COL11A1: variants seen among roughly 807,000 people sequenced by gnomAD.
COL11A1 encodes the protein collagen type XI alpha 1 chain.
COL11A1 carries 74 observed loss-of-function variants against 265.2 expected under a neutral mutation model. The observed-to-expected ratio is 0.28, with a 90% CI of 0.23 to 0.34. The LOEUF is 0.34. Among genes scored for constraint, COL11A1 ranks in the 10% least tolerant of loss-of-function variants. The pLI, the probability that COL11A1 is intolerant of heterozygous loss-of-function variation, is 1.00. For missense variants in COL11A1, 2,165 were observed against 2,263.6 expected (o/e 0.96, Z 0.88); for synonymous variants, 816 against 727.6 (o/e 1.12, Z -1.96).
intron 49 of COL11A1, among the ~76,000 whole-genome samples, chr1:102,916,790 A>T (rs1201399003): frequency 6.6e-6 from 1 of 151,922 alleles, no homozygotes; most frequent in Non-Finnish European, 1.5e-5. Flanking sequence ...CAAGATGAAC[A>T]GCAAATACTT....
At chr1:103,019,813 C>A (rs1041792296) in intron 9 of COL11A1, among the ~76,000 whole-genome samples, 48 of 147,622 alleles carry the variant, frequency 3.3e-4, no homozygotes, top group Non-Finnish European at 6.8e-4. Flanking sequence ...TGTTCAATTC[C>A]CACCTATGAG....
In COL11A1 at chr1:103,108,286, G is replaced by C; in HGVS notation, c.-108C>G. ...CAGGGATGTTTGCTACACAGCCATT[G>C]GGGAGGGAGAGGGGGAAAAAGTCAA... On this transcript the variant is annotated 5_prime_UTR_variant, in exon 1 of 67. Transcript: ENST00000370096. 1.2e-6 allele frequency: 1 copy of C among 834,336 alleles called. No homozygotes were observed. Among genetic ancestry groups the C allele is most frequent in the Non-Finnish European group, 2.0e-6 (1 of 489,960 alleles). The allele number at this position is 834,336 out of a possible 1,614,324, so 51.7% of individuals were successfully genotyped here. A position where few individuals can be genotyped will look rare whatever the true frequency, so the allele number is the denominator to read the frequency against.
chr1:102,978,973 A>C, intron 33 of COL11A1, 60 bp from the exon 34 acceptor site: 1 of 1,609,592 alleles, frequency 6.2e-7, no homozygotes. Context: ...AAGACACTAA[A>C]TCAATTTTTA....
chr1:103,004,511 G>A, intron 19 of COL11A1, 23 bp from the exon 20 acceptor site: 2 of 1,607,372 alleles, frequency 1.2e-6, no homozygotes, highest in Non-Finnish European at 1.7e-6. Flanking sequence ...AAATGAATGA[G>A]AGTATAGAAC....
At position 102,940,369 on chromosome 1, in the gene COL11A1, C is replaced by T. The variant is rs1395222826; in HGVS notation, c.3342G>A (p.Gly1114=). The part of the protein sequence containing the change: ...DGVQGPVGLP[G]PAGPAGSPGE... ...CAGGGGAGCCGGCAGGACCAGCTGG[C>T]CCTGGGAGACCAACAGGACCTTGAA... The change falls in exon 43 of 67, where the codon GGG becomes GGA. Residue 1114 remains glycine, a synonymous_variant. Coordinates refer to ENST00000370096, the MANE Select transcript of COL11A1 (RefSeq NM_001854.4). 2 of 1,613,876 alleles carry T rather than the reference C, an allele frequency of 1.2e-6. No individual in the cohort carries two copies. Among genetic ancestry groups the T allele is most frequent in the Non-Finnish European group, 8.5e-7 (1 of 1,179,956 alleles).
chr1:103,013,347 T>C (rs1234202154), intron 13 of COL11A1, among the ~76,000 whole-genome samples: 2 of 151,978 alleles, frequency 1.3e-5, no homozygotes, highest in Non-Finnish European at 2.9e-5. Flanking sequence ...TGAATTATAA[T>C]GCTTGCTACC....
chr1:102,957,261 G>A (rs918667141), intron 41 of COL11A1, among the ~76,000 whole-genome samples: 3 of 151,974 alleles, frequency 2.0e-5, no homozygotes, highest in Non-Finnish European at 4.4e-5. Context: ...GGATACATTA[G>A]AATTAAATAT....
intron 37 of COL11A1, among the ~76,000 whole-genome samples, chr1:102,967,806 T>C (rs1661589977): frequency 6.6e-6 from 1 of 152,178 alleles, no homozygotes; most frequent in South Asian, 2.1e-4. Context: ...TTATAAAGCA[T>C]TTTGTCTTAC....
chr1:102,921,500 A>G lies in COL11A1; in HGVS notation c.3708+18T>C, dbSNP rs200193791. 2.5e-5 allele frequency: 40 copies of G among 1,591,736 alleles called. No individual in the cohort carries two copies. In the African/African-American group the frequency reaches 3.1e-4, roughly 12 times the overall value. On this transcript the variant is annotated intron_variant, in intron 48 of 66. Coordinates refer to ENST00000370096, the MANE Select transcript of COL11A1 (RefSeq NM_001854.4). ...TATATAACTTCAAAATAATTAACATATATTTCAGAGTTCTTACATCAGCTC... is the reference window on the plus strand; with the variant it reads ...TATATAACTTCAAAATAATTAACATGTATTTCAGAGTTCTTACATCAGCTC...
chr1:103,062,645 C>A (rs1287755067), intron 4 of COL11A1, among the ~76,000 whole-genome samples: 1 of 151,880 alleles, frequency 6.6e-6, no homozygotes, highest in African/African-American at 2.4e-5. Flanking sequence ...AAAACATGTT[C>A]TGAAAACTAG....
intron 37 of COL11A1, among the ~76,000 whole-genome samples, chr1:102,968,276 C>A (rs748590654): frequency 1.3e-5 from 2 of 152,170 alleles, no homozygotes; most frequent in Non-Finnish European, 2.9e-5. Context: ...TATGCTGTTA[C>A]AATCCAACAG....
At chr1:103,099,529 G>A (rs886660595) in intron 1 of COL11A1, among the ~76,000 whole-genome samples, 1 of 150,616 alleles carries the variant, frequency 6.6e-6, no homozygotes, top group African/African-American at 2.4e-5. Flanking sequence ...AGCAAAGTCA[G>A]ACAACTAATC....
At chr1:102,895,724 C>T (rs1652343004) in intron 57 of COL11A1, among the ~76,000 whole-genome samples, 1 of 151,064 alleles carries the variant, frequency 6.6e-6, no homozygotes, top group African/African-American at 2.4e-5. Context: ...CTTTAATAAT[C>T]GTATCATATT....
intron 36 of COL11A1, among the ~76,000 whole-genome samples, chr1:102,970,668 A>C (rs1258456469): frequency 1.1e-4 from 16 of 152,084 alleles, no homozygotes; most frequent in Non-Finnish European, 8.8e-5. Context: ...CAAAACTTGG[A>C]TAACAGAGAG....
chr1:102,883,372 A>T, intron 63 of COL11A1, 61 bp from the exon 64 acceptor site: 1 of 1,030,336 alleles, frequency 9.7e-7, no homozygotes, highest in Non-Finnish European at 1.5e-6. Context: ...TGAATGCATT[A>T]GATGTCAAAT....
At chr1:103,103,612 A>C (rs907001350) in intron 1 of COL11A1, among the ~76,000 whole-genome samples, 1 of 151,934 alleles carries the variant, frequency 6.6e-6, no homozygotes, top group African/African-American at 2.4e-5. Flanking sequence ...CTTCTCACTA[A>C]TCTAAACTCT....
In COL11A1 at chr1:103,083,226, G is replaced by C. The variant is rs11164664; in HGVS notation, c.107-254C>G. On this transcript the variant is annotated intron_variant, in intron 1 of 66. Coordinates refer to ENST00000370096, the MANE Select transcript of COL11A1 (RefSeq NM_001854.4). ...GTTAAGCAACACAGAAGGGGTGTCT[G>C]TGTGTGTGTGTGTGTCTGTGTCTGT... Among the ~76,000 whole-genome samples the C allele has an allele frequency of 0.12, 12,809 of 110,138 alleles. 622 individuals carry two copies. Among genetic ancestry groups the C allele is most frequent in the African/African-American group, 0.18 (5,473 of 31,068 alleles). 72.3% of individuals were successfully genotyped at this position (110,138 alleles called of 152,430 possible). A position where few individuals can be genotyped will look rare whatever the true frequency, so the allele number is the denominator to read the frequency against.
At chr1:102,979,347 A>C in intron 32 of COL11A1, 35 bp downstream of exon 32, 1 of 1,517,786 alleles carries the variant, frequency 6.6e-7, no homozygotes, top group Non-Finnish European at 9.1e-7. Flanking sequence ...AAGAACACTT[A>C]TATACATAGT....
At chr1:102,965,850 T>C (rs1175382535) in intron 37 of COL11A1, among the ~76,000 whole-genome samples, 2 of 152,158 alleles carry the variant, frequency 1.3e-5, no homozygotes, top group East Asian at 3.8e-4. Context: ...CCCAGTAATG[T>C]TTATGGATGA....
Sources: gnomAD v4.1 joint callset for allele counts (sites outside exome capture counted in the v4.1 genomes callset) on GRCh38, gnomAD v4.1.1 for gene constraint, MANE v1.5 for transcripts, NCBI Gene and HGNC (gene_info 2026-07-23, HGNC 2026-07-21) for gene names.